TTC33: variants seen among roughly 807,000 people sequenced by gnomAD.
The protein encoded by TTC33 is tetratricopeptide repeat protein 33.
A neutral mutation model predicts 29.4 loss-of-function variants in TTC33; 24 were observed. The ratio of observed to expected loss-of-function variants is 0.82; its 90% CI spans 0.59 to 1.15. TTC33 has a LOEUF of 1.15. Among genes scored for constraint, TTC33 ranks in the 50% most tolerant of loss-of-function variants. The pLI, the probability that TTC33 is intolerant of heterozygous loss-of-function variation, is 0.00. For missense variants in TTC33, 286 were observed against 310.4 expected (o/e 0.92, Z 0.59); for synonymous variants, 107 against 100.3 (o/e 1.07, Z -0.40).
chr5:40,731,871 C>G (rs990655159), intron 2 of TTC33, among the ~76,000 whole-genome samples: 1 of 152,192 alleles, frequency 6.6e-6, no homozygotes, highest in Non-Finnish European at 1.5e-5. Flanking sequence ...ACTATGAGTA[C>G]CACTTCAGAC....
At position 40,716,271 on chromosome 5, in the gene TTC33, T is replaced by C. The variant is rs1343199614; in HGVS notation, c.663A>G (p.Lys221=). Residue 221 remains lysine, a synonymous_variant, in exon 5 of 5, where the codon AAA becomes AAG. Coordinates refer to ENST00000337702, the MANE Select transcript of TTC33 (RefSeq NM_012382.3). ...IVAVCAAIAE[K]EKTVSANKTM... is the part of the protein sequence containing the mutation. ...TTTTATTTGCTGAAACTGTCTTCTC[T>C]TTCTCAGCAATAGCTGCACAAACAG... 1 of 1,614,226 alleles carries C rather than the reference T, an allele frequency of 6.2e-7. No homozygotes were observed. Among genetic ancestry groups the C allele is most frequent in the Non-Finnish European group, 8.5e-7 (1 of 1,180,036 alleles).
rs1741942690 is a variant in TTC33 at position 40,713,700 on chromosome 5, A to G, written c.*2445T>C. ...GAGTGTCTATGCCATACAATTCTCA[A>G]ACAAGAATAATGTAAATTATAGTCA... On this transcript the variant is annotated 3_prime_UTR_variant, in exon 5 of 5. Coordinates refer to ENST00000337702, the MANE Select transcript of TTC33 (RefSeq NM_012382.3). Among the ~76,000 whole-genome samples, 2 of 152,196 alleles carry G rather than the reference A, an allele frequency of 1.3e-5. No individual in the cohort carries two copies. The highest frequency in any genetic ancestry group is 4.8e-5 in the African/African-American group (2 of 41,458).
chr5:40,744,791 T>C (rs1742760938), intron 2 of TTC33, among the ~76,000 whole-genome samples: 1 of 152,172 alleles, frequency 6.6e-6, no homozygotes, highest in Non-Finnish European at 1.5e-5. Flanking sequence ...GGACAATGCT[T>C]TAAGATTTTT....
intron 1 of TTC33, 50 bp from the exon 2 acceptor site, chr5:40,747,069 T>A: frequency 3.2e-6 from 5 of 1,543,658 alleles, no homozygotes; most frequent in Non-Finnish European, 4.4e-6. Context: ...GATCTTTTTT[T>A]TTTTTTGAGA....
intron 4 of TTC33, among the ~76,000 whole-genome samples, chr5:40,725,804 T>TG (rs1214225440): frequency 1.3e-4 from 18 of 143,996 alleles, no homozygotes; most frequent in African/African-American, 4.5e-4. Flanking sequence ...TTTTTTTTTT[T>TG]GAGACAGGTC....
intron 4 of TTC33, among the ~76,000 whole-genome samples, chr5:40,722,853 G>C (rs559709495): frequency 1.3e-5 from 2 of 151,590 alleles, no homozygotes; most frequent in Non-Finnish European, 2.9e-5. Context: ...TGCCCCGTCC[G>C]GGAGGTGGGG....
rs1561157983 is a variant in TTC33, at chr5:40,755,918, T to C, written c.-96A>G. The C allele has an allele frequency of 1.3e-5, 2 of 152,338 alleles. No homozygotes were observed. The highest frequency in any genetic ancestry group is 6.5e-5 in the Admixed American group (1 of 15,282). 9.4% of individuals were successfully genotyped at this position (152,338 alleles called of 1,614,324 possible). A position where few individuals can be genotyped will look rare whatever the true frequency, so the allele number is the denominator to read the frequency against. ...CAGAAGCGGGCAAAGGAAAGACGAC[T>C]CAGTCTTTCCCCTCCGCCAATCTCT... On this transcript the variant is annotated 5_prime_UTR_variant, in exon 1 of 5. Transcript: ENST00000337702.
At chr5:40,719,792 A>G (rs1742086566) in intron 4 of TTC33, among the ~76,000 whole-genome samples, 1 of 152,176 alleles carries the variant, frequency 6.6e-6, no homozygotes, top group Non-Finnish European at 1.5e-5. Context: ...GACAAGTAAC[A>G]ATGTTGAGCA....
At chr5:40,753,225 A>T (rs939120648) in intron 1 of TTC33, among the ~76,000 whole-genome samples, 1 of 152,050 alleles carries the variant, frequency 6.6e-6, no homozygotes, top group African/African-American at 2.4e-5. Context: ...GTACCTGGGC[A>T]TGGTGGCACA....
At chr5:40,726,636 G>A (rs1247465006) in intron 4 of TTC33, among the ~76,000 whole-genome samples, 1 of 151,156 alleles carries the variant, frequency 6.6e-6, no homozygotes, top group Non-Finnish European at 1.5e-5. Context: ...AAGTCGAACT[G>A]GTACTCTTAT....
intron 2 of TTC33, 36 bp from the exon 3 acceptor site, chr5:40,730,379 C>G: frequency 1.9e-6 from 3 of 1,547,208 alleles, no homozygotes; most frequent in Non-Finnish European, 2.7e-6. Flanking sequence ...GCCATATTTT[C>G]AATATGCTTT....
At position 40,738,680 on chromosome 5, in the gene TTC33, T is replaced by C. The variant is rs549490559; in HGVS notation, c.221+8118A>G. On this transcript the variant is annotated intron_variant, in intron 2 of 4. Transcript: ENST00000337702. ...ATTTTCATGAGCAATGTATAAAAGT[T>C]TAACTTGCTCCATATCTTTGCCAAC... Among the ~76,000 whole-genome samples, 140 of 152,090 alleles carry C rather than the reference T, an allele frequency of 9.2e-4. 1 individual carries two copies. Among genetic ancestry groups the C allele is most frequent in the African/African-American group, 3.2e-3 (131 of 41,536 alleles).
At chr5:40,721,150 A>C (rs909002825) in intron 4 of TTC33, among the ~76,000 whole-genome samples, 7 of 152,156 alleles carry the variant, frequency 4.6e-5, no homozygotes, top group African/African-American at 1.7e-4. Flanking sequence ...GACTACCAAA[A>C]GGACTGGCTT....
Position 40,714,564 on chromosome 5 carries a change from C to G in TTC33, c.*1581G>C, listed in dbSNP as rs1359681626. On this transcript the variant is annotated 3_prime_UTR_variant, in exon 5 of 5. Coordinates refer to ENST00000337702, the MANE Select transcript of TTC33 (RefSeq NM_012382.3). Reference sequence around the variant, plus strand: ...TACCAAATGTTGAGTACTCACTTCTCTAGATACCTATTTACGTTTTGAGAA... The same window carrying G: ...TACCAAATGTTGAGTACTCACTTCTGTAGATACCTATTTACGTTTTGAGAA... The G allele has an allele frequency of 6.6e-6, 1 of 152,210 alleles. No homozygotes were observed. The highest frequency in any genetic ancestry group is 1.5e-5 in the Non-Finnish European group (1 of 67,980). 9.4% of individuals were successfully genotyped at this position (152,210 alleles called of 1,614,324 possible).
intron 1 of TTC33, among the ~76,000 whole-genome samples, chr5:40,748,161 A>G (rs1742834144): frequency 6.6e-6 from 1 of 151,730 alleles, no homozygotes; most frequent in Non-Finnish European, 1.5e-5. Flanking sequence ...AGGAATGGGA[A>G]CACCGATTTG....
intron 3 of TTC33, 48 bp from the exon 4 acceptor site, chr5:40,728,524 T>C: frequency 6.6e-7 from 1 of 1,514,156 alleles, no homozygotes; most frequent in Non-Finnish European, 8.9e-7. Context: ...ATTCATAAAC[T>C]AGCAACTACA....
Position 40,728,448 on chromosome 5 carries a change from G to A in TTC33, c.332C>T (p.Pro111Leu), listed in dbSNP as rs780218054. The change falls in exon 4 of 5, where the codon CCA becomes CTA. Residue 111 changes from proline to leucine, a missense_variant. Transcript: ENST00000337702. ...QVLMSLHEMF[P>L]AVHAAEMAVQ... ...GGCCATTTCTGCTGCATGTACTGCT[G>A]GGAACATTTCATGAAGAGACATTAG... 6 of 1,612,120 alleles carry A rather than the reference G, an allele frequency of 3.7e-6. No individual in the cohort carries two copies. In the African/African-American group the frequency reaches 5.4e-5, roughly 14 times the overall value.
chr5:40,735,351 T>G (rs1221896357), intron 2 of TTC33, among the ~76,000 whole-genome samples: 1 of 152,054 alleles, frequency 6.6e-6, no homozygotes, highest in African/African-American at 2.4e-5. Context: ...AGGTATGAGA[T>G]AACCCTAGAT....
chr5:40,722,435 G>A (rs1461784280), intron 4 of TTC33, among the ~76,000 whole-genome samples: 2 of 148,314 alleles, frequency 1.3e-5, no homozygotes, highest in Admixed American at 6.7e-5. Flanking sequence ...GCCTCTTCCC[G>A]GCCGTCATCC....
Sources: gnomAD v4.1 joint callset for allele counts (sites outside exome capture counted in the v4.1 genomes callset) on GRCh38, gnomAD v4.1.1 for gene constraint, MANE v1.5 for transcripts, NCBI Gene and HGNC (gene_info 2026-07-23, HGNC 2026-07-21) for gene names.